TPST2: variants seen among roughly 807,000 people sequenced by gnomAD.
TPST2 encodes the protein protein-tyrosine sulfotransferase 2.
TPST2 carries 16 observed loss-of-function variants against 27.8 expected under a neutral mutation model. The observed-to-expected ratio is 0.58, with a 90% confidence interval of 0.39 to 0.88. The LOEUF is 0.88. TPST2 is among the 40% of genes least tolerant of loss of function. The pLI is 0.00. For missense variants in TPST2, 464 were observed against 543.1 expected (o/e 0.85, Z 1.45); for synonymous variants, 229 against 231.7 (o/e 0.99, Z 0.10).
At chr22:26,582,351 C>T (rs908399798) in intron 1 of TPST2, among the ~76,000 whole-genome samples, 2 of 152,060 alleles carry the variant, frequency 1.3e-5, no homozygotes, top group African/African-American at 4.8e-5. Flanking sequence ...CGCTTGAACC[C>T]GGGAGGCAGA....
At chr22:26,549,490 G>A (rs765357605) in intron 1 of TPST2, among the ~76,000 whole-genome samples, 3 of 149,788 alleles carry the variant, frequency 2.0e-5, no homozygotes, top group Admixed American at 1.3e-4. Context: ...AATCTCCTCC[G>A]TACTAAAATA....
rs964665741 is a variant in TPST2 at position 26,555,471 on chromosome 22, T to C, written c.-160-10796A>G. On this transcript the variant is annotated intron_variant, in intron 1 of 6. Transcript: ENST00000338754. ...TTCTTGTCTCTGAGCCTCACTCACC[T>C]GTTATAACGTTTAACATTTCCAAAA... 1.7e-5 allele frequency: 6 copies of C among 350,054 alleles called. No homozygotes were observed. The Admixed American group carries it at 1.9e-4, about 11-fold the overall frequency. 21.7% of individuals were successfully genotyped at this position (350,054 alleles called of 1,614,324 possible). A position where few individuals can be genotyped will look rare whatever the true frequency, so the allele number is the denominator to read the frequency against.
At chr22:26,550,606 G>A in intron 1 of TPST2, 4 of 985,492 alleles carry the variant, frequency 4.1e-6, no homozygotes, top group Non-Finnish European at 4.8e-6. Flanking sequence ...TGGCCCTGGA[G>A]CAGGGCCCAG....
chr22:26,531,514 C>G (rs1925162674), intron 5 of TPST2, among the ~76,000 whole-genome samples: 2 of 152,314 alleles, frequency 1.3e-5, no homozygotes, highest in Non-Finnish European at 2.9e-5. Context: ...GGCCACACTC[C>G]CCACTTTCAG....
In TPST2 at chr22:26,541,659, C is replaced by T. The variant is rs1472913422; in HGVS notation, c.-29G>A. 6.5e-7 allele frequency: 1 copy of T among 1,529,218 alleles called. No homozygotes were observed. Among genetic ancestry groups the T allele is most frequent in the African/African-American group, 1.4e-5 (1 of 72,970 alleles). 94.7% of individuals were successfully genotyped at this position (1,529,218 alleles called of 1,614,324 possible). ...GGGCCGGAGGCAGGGTAGGCCTGGCCTGAGGGCCCGCTTCTGGGGCTTCAG... is the reference window on the plus strand; with the variant it reads ...GGGCCGGAGGCAGGGTAGGCCTGGCTTGAGGGCCCGCTTCTGGGGCTTCAG... On this transcript the variant is annotated 5_prime_UTR_variant, in exon 3 of 7. Transcript: ENST00000338754. This position sits in a 1 kb window ranked among gnomAD's most constrained non-coding sequence, Gnocchi z 5.9.
At chr22:26,529,927 G>C (rs1302214567) in intron 5 of TPST2, among the ~76,000 whole-genome samples, 1 of 152,098 alleles carries the variant, frequency 6.6e-6, no homozygotes, top group Non-Finnish European at 1.5e-5. Context: ...AGCATTTCCT[G>C]GTTGTTTGGG....
chr22:26,539,909 G>A (rs1437791513), intron 3 of TPST2, among the ~76,000 whole-genome samples: 1 of 152,198 alleles, frequency 6.6e-6, no homozygotes, highest in African/African-American at 2.4e-5. Flanking sequence ...ATAAAATGTG[G>A]ATAAGAGGTG....
intron 1 of TPST2, among the ~76,000 whole-genome samples, chr22:26,588,840 G>A (rs1307915831): frequency 6.6e-6 from 1 of 152,178 alleles, no homozygotes; most frequent in Non-Finnish European, 1.5e-5. Flanking sequence ...ACCCTGCTGA[G>A]ATGAAAGGGT....
intron 1 of TPST2, among the ~76,000 whole-genome samples, chr22:26,557,856 G>A (rs1204544311): frequency 6.7e-6 from 1 of 150,054 alleles, no homozygotes; most frequent in Non-Finnish European, 1.5e-5. Flanking sequence ...AGACCAGCCT[G>A]GGCAATGTAG....
At chr22:26,536,732 A>G (rs530910328) in intron 3 of TPST2, among the ~76,000 whole-genome samples, 2 of 152,316 alleles carry the variant, frequency 1.3e-5, no homozygotes, top group South Asian at 4.1e-4. Context: ...CCATTGGTAC[A>G]TACATTCTGC....
intron 1 of TPST2, among the ~76,000 whole-genome samples, chr22:26,551,610 GTC>G (rs1278450238): frequency 6.6e-6 from 1 of 152,016 alleles, no homozygotes; most frequent in African/African-American, 2.4e-5. Flanking sequence ...CACTGTCCCA[GTC>G]TCCCGTTCAG....
intron 4 of TPST2, among the ~76,000 whole-genome samples, chr22:26,535,215 G>A (rs1925385789): frequency 6.6e-6 from 1 of 152,180 alleles, no homozygotes; most frequent in African/African-American, 2.4e-5. Flanking sequence ...TTTCCGTTGT[G>A]ATTCAATACG....
At chr22:26,570,057 A>AGAC (rs1569193980) in intron 1 of TPST2, among the ~76,000 whole-genome samples, 8 of 148,800 alleles carry the variant, frequency 5.4e-5, no homozygotes, top group African/African-American at 2.5e-5. Flanking sequence ...GAAAGAAAGA[A>AGAC]AGAAAGAAGG....
intron 1 of TPST2, among the ~76,000 whole-genome samples, chr22:26,589,044 T>C (rs1928450398): frequency 6.6e-6 from 1 of 152,008 alleles, no homozygotes; most frequent in Non-Finnish European, 1.5e-5. Context: ...GGGGCTTCTG[T>C]AGGATAAGTA....
chr22:26,560,141 C>A (rs1927010994), intron 1 of TPST2, among the ~76,000 whole-genome samples: 1 of 152,154 alleles, frequency 6.6e-6, no homozygotes, highest in African/African-American at 2.4e-5. Flanking sequence ...GGTCACACAG[C>A]AAGTTAATGG....
chr22:26,580,760 G>A (rs527684180), intron 1 of TPST2, among the ~76,000 whole-genome samples: 5 of 152,098 alleles, frequency 3.3e-5, no homozygotes, highest in East Asian at 3.8e-4. Flanking sequence ...GGTTGTGTCC[G>A]ATCTTTGTTA....
At position 26,585,866 on chromosome 22, in the gene TPST2, C is replaced by T. The variant is rs375399569; in HGVS notation, c.-161+4187G>A. On this transcript the variant is annotated intron_variant, in intron 1 of 6. Transcript: ENST00000338754. ...GAGATCGAGACCATCCTGGCTAACA[C>T]GGGGAAACCCTGTCTCCACTAAAAA... Among the ~76,000 whole-genome samples, 274 of 152,078 alleles carry T rather than the reference C, an allele frequency of 1.8e-3. 5 individuals are homozygous for T. The South Asian group carries it at 0.035, about 19-fold the overall frequency.
intron 1 of TPST2, among the ~76,000 whole-genome samples, chr22:26,549,240 A>G (rs1926311706): frequency 6.6e-6 from 1 of 152,182 alleles, no homozygotes; most frequent in Non-Finnish European, 1.5e-5. Context: ...GAAGTGAAGA[A>G]ATTGAAGCTC....
intron 1 of TPST2, among the ~76,000 whole-genome samples, chr22:26,551,744 G>A (rs1926481906): frequency 6.6e-6 from 1 of 152,088 alleles, no homozygotes; most frequent in Non-Finnish European, 1.5e-5. Context: ...GCAGCTCTCT[G>A]AGCCTCAGTG....
Sources: allele counts gnomAD v4.1 joint callset (sites outside exome capture counted in the v4.1 genomes callset), GRCh38; gene constraint gnomAD v4.1.1; non-coding constraint Gnocchi (gnomAD v3.1); transcripts MANE v1.5; gene names NCBI Gene and HGNC (gene_info 2026-07-23, HGNC 2026-07-21).